The following DPP6 variants were observed in gnomAD, a reference collection of about 807,000 sequenced individuals.
DPP6 encodes the protein dipeptidyl peptidase like 6.
A neutral mutation model predicts 122.6 loss-of-function variants in DPP6; 69 were observed. The ratio of observed to expected loss-of-function variants is 0.56; its 90% confidence interval spans 0.46 to 0.69. DPP6 has a LOEUF of 0.69. DPP6 is among the 30% of genes least tolerant of loss of function. The pLI is 0.00. For synonymous variants in DPP6, 418 were observed against 433.1 expected (o/e 0.97, Z 0.43); for missense variants, 928 against 1,116.9 (o/e 0.83, Z 2.41).
chr7:154,174,729 G>GAGTCCCTGT (rs1479025232), intron 1 of DPP6, among the ~76,000 whole-genome samples: 2 of 152,072 alleles, frequency 1.3e-5, no homozygotes, highest in African/African-American at 4.8e-5. Context: ...AGGAGACATC[G>GAGTCCCTGT]AGTCCCTGTA....
At chr7:154,432,703 AG>A (rs1818528043) in intron 1 of DPP6, among the ~76,000 whole-genome samples, 1 of 152,288 alleles carries the variant, frequency 6.6e-6, no homozygotes, top group South Asian at 2.1e-4. Context: ...CTAGCCACAA[AG>A]CTTATGCATG....
At chr7:154,473,901 C>T (rs1822504223) in intron 2 of DPP6, among the ~76,000 whole-genome samples, 1 of 152,160 alleles carries the variant, frequency 6.6e-6, no homozygotes, top group Non-Finnish European at 1.5e-5. Flanking sequence ...CCCCACATAG[C>T]AGCACAACAG....
the DPP6 span, among the ~76,000 whole-genome samples, chr7:153,863,293 C>T: frequency 6.6e-6 from 1 of 152,156 alleles, no homozygotes; most frequent in East Asian, 1.9e-4. Flanking sequence ...CATAGTATTC[C>T]ATGGTATATA....
the DPP6 span, among the ~76,000 whole-genome samples, chr7:153,788,840 C>T: frequency 6.6e-6 from 1 of 151,892 alleles, no homozygotes; most frequent in African/African-American, 2.4e-5. Flanking sequence ...TGGTAGATGC[C>T]TGTAATTCCA....
intron 1 of DPP6, among the ~76,000 whole-genome samples, chr7:154,323,937 C>A (rs1808193662): frequency 6.6e-6 from 1 of 152,144 alleles, no homozygotes; most frequent in African/African-American, 2.4e-5. Context: ...ACAAGTGAGA[C>A]AGTACAGGTG....
chr7:154,848,675 G>A (rs1170724729), intron 16 of DPP6, among the ~76,000 whole-genome samples: 3 of 151,998 alleles, frequency 2.0e-5, no homozygotes, highest in East Asian at 1.9e-4. Context: ...ATGCAATCCC[G>A]TTCACCTAGC....
intron 1 of DPP6, among the ~76,000 whole-genome samples, chr7:154,085,527 C>A (rs528794336): frequency 2.4e-4 from 36 of 152,190 alleles, no homozygotes; most frequent in Non-Finnish European, 3.7e-4. Context: ...GTTTGCTGAA[C>A]GAACACAGTA....
At chr7:154,494,214 A>G (rs1042645290) in intron 3 of DPP6, among the ~76,000 whole-genome samples, 2 of 152,002 alleles carry the variant, frequency 1.3e-5, no homozygotes, top group African/African-American at 4.8e-5. Context: ...AAATTAGCCA[A>G]GCCTGGTGGT....
At chr7:154,661,828 A>G (rs1462850077) in intron 6 of DPP6, among the ~76,000 whole-genome samples, 1 of 146,684 alleles carries the variant, frequency 6.8e-6, no homozygotes, top group Admixed American at 6.7e-5. Context: ...TCACGCAGTC[A>G]TGGTGAATCA....
chr7:154,287,398 C>A (rs554591182), intron 1 of DPP6, among the ~76,000 whole-genome samples: 1 of 152,152 alleles, frequency 6.6e-6, no homozygotes, highest in Non-Finnish European at 1.5e-5. Context: ...GGCAGGTTGC[C>A]GGGGTTTGGA....
At chr7:154,345,148 C>A (rs961716850) in intron 1 of DPP6, among the ~76,000 whole-genome samples, 1 of 152,070 alleles carries the variant, frequency 6.6e-6, no homozygotes, top group South Asian at 2.1e-4. Context: ...GATGAGGGTG[C>A]GGGCAGCTTT....
At chr7:154,510,913 C>G (rs1008065121) in intron 3 of DPP6, among the ~76,000 whole-genome samples, 5 of 145,864 alleles carry the variant, frequency 3.4e-5, no homozygotes, top group Non-Finnish European at 7.5e-5. Context: ...CTCTATGACT[C>G]TCTTACACAT....
chr7:154,743,737 G>A (rs1349629543), intron 8 of DPP6, among the ~76,000 whole-genome samples: 2 of 151,620 alleles, frequency 1.3e-5, no homozygotes, highest in Non-Finnish European at 2.9e-5. Flanking sequence ...AGTCAGCCCT[G>A]AGGACCCAGG....
intron 1 of DPP6, among the ~76,000 whole-genome samples, chr7:154,389,519 A>C (rs1012503269): frequency 3.3e-5 from 5 of 152,152 alleles, no homozygotes; most frequent in African/African-American, 1.2e-4. Flanking sequence ...TAATTATTTC[A>C]CTATGGCTTT....
intron 1 of DPP6, among the ~76,000 whole-genome samples, chr7:153,900,238 GT>G (rs36001080): frequency 0.76 from 109,309 of 144,038 alleles, 41,478 homozygotes; most frequent in African/African-American, 0.85. Flanking sequence ...CCATCTTTCT[GT>G]TTTTTTTTTT....
chr7:154,649,418 T>C (rs1428055636), intron 6 of DPP6, among the ~76,000 whole-genome samples: 2 of 152,248 alleles, frequency 1.3e-5, no homozygotes, highest in Admixed American at 1.3e-4. Context: ...TCCCAGATCA[T>C]AAGTAAATGC....
intron 1 of DPP6, among the ~76,000 whole-genome samples, chr7:154,408,573 G>T (rs1816318101): frequency 1.3e-5 from 2 of 151,950 alleles, no homozygotes; most frequent in African/African-American, 4.8e-5. Context: ...CTTTTCTGTG[G>T]CACATTAGTC....
chr7:153,917,022 CAT>C (rs1361714987), intron 1 of DPP6, among the ~76,000 whole-genome samples: 3 of 152,328 alleles, frequency 2.0e-5, no homozygotes, highest in East Asian at 3.9e-4. Flanking sequence ...CTCGCACACT[CAT>C]ATGGATCATC....
chr7:153,964,810 T>A (rs1320057109), intron 1 of DPP6, among the ~76,000 whole-genome samples: 2 of 45,958 alleles, frequency 4.4e-5, no homozygotes, highest in East Asian at 0.014. Context: ...TCCTTTCCTT[T>A]CCTTTCCTTT....
Sources: allele counts gnomAD v4.1 joint callset (sites outside exome capture counted in the v4.1 genomes callset), GRCh38; gene constraint gnomAD v4.1.1; transcripts MANE v1.5; gene names NCBI Gene and HGNC (gene_info 2026-07-23, HGNC 2026-07-21).